MTOR: variants seen among roughly 807,000 people sequenced by gnomAD.
MTOR encodes the protein mechanistic target of rapamycin kinase, also known as serine/threonine-protein kinase mTOR.
MTOR carries 70 observed loss-of-function variants against 319.8 expected under a neutral mutation model. That is an observed-to-expected ratio of 0.22 (90% confidence interval 0.18 to 0.27). The LOEUF is 0.27. Among genes scored for constraint, MTOR ranks in the 10% least tolerant of loss-of-function variants. The probability of loss-of-function intolerance (pLI) is 1.00; values close to 1 mark genes in which losing one functional copy is unlikely to be tolerated. For synonymous variants in MTOR, 1,183 were observed against 1,211.4 expected, an observed-to-expected ratio of 0.98 and a Z score of 0.49; for missense variants, 1,890 against 3,274.4, an observed-to-expected ratio of 0.58 and a Z score of 10.32.
At chr1:11,233,309 TTA>T in intron 15 of MTOR, 87 bp downstream of exon 15, 1 of 1,250,060 alleles carries the variant, frequency 8.0e-7, no homozygotes, top group South Asian at 1.3e-5. Context: ...GACCTTTCAT[TTA>T]AAAAAAAAAA....
At chr1:11,233,302 C>T (rs910888947) in intron 15 of MTOR, 96 bp downstream of exon 15, 3 of 1,154,278 alleles carry the variant, frequency 2.6e-6, no homozygotes, top group Non-Finnish European at 2.5e-6. Flanking sequence ...TATGTGAGAC[C>T]TTTCATTTAA....
chr1:11,190,778 A>C (rs1645497638), intron 28 of MTOR, among the ~76,000 whole-genome samples: 1 of 152,246 alleles, frequency 6.6e-6, no homozygotes, highest in African/African-American at 2.4e-5. Context: ...TGTAAGGAGC[A>C]TATCCTATAG....
chr1:11,155,677 G>T lies in MTOR; in HGVS notation c.4469+1475C>A, dbSNP rs974699794. On this transcript the variant is annotated intron_variant, in intron 30 of 57. Transcript: ENST00000361445. ...CCAAGTTAGATATCGTTTCCTCCCGGTATCTTCCAAGGCTGATTAGGGTGC... is the reference window on the plus strand; with the variant it reads ...CCAAGTTAGATATCGTTTCCTCCCGTTATCTTCCAAGGCTGATTAGGGTGC... 8.5e-5 allele frequency among the ~76,000 whole-genome samples: 13 copies of T among 152,286 alleles called. 1 individual carries two copies. The highest frequency in any genetic ancestry group is 3.4e-3 in the Middle Eastern group (1 of 292).
chr1:11,140,705 A>G (rs760537460), intron 34 of MTOR, among the ~76,000 whole-genome samples: 2 of 152,218 alleles, frequency 1.3e-5, no homozygotes, highest in Non-Finnish European at 2.9e-5. Context: ...TTTCATAGGG[A>G]TACGGTGAGG....
At chr1:11,208,723 A>G (rs543035073) in intron 25 of MTOR, among the ~76,000 whole-genome samples, 5 of 152,364 alleles carry the variant, frequency 3.3e-5, no homozygotes, top group Admixed American at 6.5e-5. Flanking sequence ...AGCTGATGGC[A>G]TACATGGTGA....
intron 28 of MTOR, among the ~76,000 whole-genome samples, chr1:11,184,699 C>T (rs1645259077): frequency 6.6e-6 from 1 of 152,012 alleles, no homozygotes; most frequent in South Asian, 2.1e-4. Context: ...CACTACAGCA[C>T]TCCAGGGTGG....
At position 11,139,550 on chromosome 1, in the gene MTOR, C is replaced by T. The variant is rs771659197; in HGVS notation, c.4981G>A (p.Gly1661Ser). The T allele has an allele frequency of 8.1e-6, 13 of 1,614,178 alleles. No homozygotes were observed. The South Asian group carries it at 1.4e-4, about 18-fold the overall frequency. ...TCACTCACCAGCCTGCCACTCTTGC[C>T]GCACAGGCTTGCATACTTGAGCCAG... The part of the protein sequence containing the change: ...RTWLKYASLC[G>S]KSGRLALAHK... The change falls in exon 35 of 58, where the codon GGC (glycine) becomes AGC (serine). Residue 1661 changes from glycine (G) to serine (S), a missense_variant. Gly to Ser is a moderately conservative substitution (Grantham distance 56). Coordinates refer to ENST00000361445, the MANE Select transcript of MTOR (RefSeq NM_004958.4).
chr1:11,212,674 TA>T lies in MTOR; in HGVS notation c.3398+121del. 9.1e-7 allele frequency: 1 copy of T among 1,095,356 alleles called. No individual in the cohort carries two copies. The highest frequency in any genetic ancestry group is 1.3e-6 in the Non-Finnish European group (1 of 745,880). The allele number at this position is 1,095,356 out of a possible 1,614,324, so 67.9% of individuals were successfully genotyped here. On this transcript the variant is annotated intron_variant, in intron 22 of 57. Coordinates refer to ENST00000361445, the MANE Select transcript of MTOR (RefSeq NM_004958.4). The surrounding 1 kb of genome is among the most constrained non-coding windows in gnomAD (Gnocchi z 4.1). ...CCATAAACCTGGGATATTTCTAGAC[TA>T]AAATAATGTGAGTTGAAATAACAAA...
intron 28 of MTOR, among the ~76,000 whole-genome samples, chr1:11,177,066 C>G (rs1645015817): frequency 6.6e-6 from 1 of 152,118 alleles, no homozygotes; most frequent in Non-Finnish European, 1.5e-5. Flanking sequence ...AAGCCAGAAT[C>G]AGATGATGAA....
intron 19 of MTOR, 135 bp downstream of exon 19, chr1:11,228,533 G>A (rs1357701972): frequency 5.0e-6 from 6 of 1,201,486 alleles, no homozygotes; most frequent in Non-Finnish European, 7.0e-6. Context: ...CACTTTATAT[G>A]TTGGGAGTTA....
chr1:11,143,444 TC>T (rs1427806069), intron 34 of MTOR, among the ~76,000 whole-genome samples: 2 of 152,206 alleles, frequency 1.3e-5, no homozygotes, highest in Admixed American at 6.5e-5. Context: ...TGTGTACAAA[TC>T]AAGTGGGAAA....
In MTOR at chr1:11,114,522, C is replaced by G. The variant is rs1337588242; in HGVS notation, c.7165-69G>C. 2.5e-6 allele frequency: 4 copies of G among 1,597,354 alleles called. No homozygotes were observed. In the East Asian group the frequency reaches 6.7e-5, roughly 27 times the overall value. On this transcript the variant is annotated intron_variant, in intron 52 of 57. Coordinates refer to ENST00000361445, the MANE Select transcript of MTOR (RefSeq NM_004958.4). ...TCCACCCAAAGCAAGCCGAGGGGGT[C>G]TGTTACCCTCACTTAGGAAGCAGAC...
intron 38 of MTOR, chr1:11,131,857 C>G (rs570913204): frequency 6.6e-6 from 1 of 152,342 alleles, no homozygotes; most frequent in Non-Finnish European, 1.5e-5. Context: ...AAACCTTGAA[C>G]ACAGGTGTAT....
intron 19 of MTOR, 56 bp from the exon 20 acceptor site, chr1:11,216,290 G>A (rs2100806939): frequency 7.4e-7 from 1 of 1,358,894 alleles, no homozygotes; most frequent in Non-Finnish European, 1.1e-6. Flanking sequence ...GAACCCCCAG[G>A]CTTACCTTAA....
chr1:11,262,210 G>A (rs1363264830), intron 1 of MTOR, among the ~76,000 whole-genome samples: 3 of 152,190 alleles, frequency 2.0e-5, no homozygotes, highest in Non-Finnish European at 4.4e-5. Context: ...GCCGGCCTTC[G>A]GGCGGACGTA....
At chr1:11,146,379 G>A (rs528449858) in intron 32 of MTOR, among the ~76,000 whole-genome samples, 1 of 152,232 alleles carries the variant, frequency 6.6e-6, no homozygotes, top group South Asian at 2.1e-4. Flanking sequence ...CTACCTTTTG[G>A]TGAAATACAG....
At chr1:11,220,599 G>A (rs982009930) in intron 19 of MTOR, among the ~76,000 whole-genome samples, 5 of 152,128 alleles carry the variant, frequency 3.3e-5, no homozygotes, top group Admixed American at 6.6e-5. Context: ...GACATAAAAC[G>A]ACAATAATGT....
chr1:11,136,350 G>A (rs951605321), intron 36 of MTOR, among the ~76,000 whole-genome samples: 1 of 152,154 alleles, frequency 6.6e-6, no homozygotes, highest in Non-Finnish European at 1.5e-5. Flanking sequence ...GCACACAGAT[G>A]TTCCAACACT....
intron 49 of MTOR, among the ~76,000 whole-genome samples, chr1:11,119,015 GGT>G (rs1642350450): frequency 1.3e-5 from 2 of 152,036 alleles, no homozygotes; most frequent in Admixed American, 1.3e-4. Flanking sequence ...TGAGACTACA[GGT>G]GTGTACCATA....
Sources: allele counts gnomAD v4.1 joint callset (sites outside exome capture counted in the v4.1 genomes callset), GRCh38; gene constraint gnomAD v4.1.1; non-coding constraint Gnocchi (gnomAD v3.1); transcripts MANE v1.5; gene names NCBI Gene and HGNC (gene_info 2026-07-23, HGNC 2026-07-21).